The following CCDC85C variants were observed in gnomAD, a reference collection of about 807,000 sequenced individuals.
CCDC85C encodes coiled-coil domain containing 85C, also known as coiled-coil domain-containing protein 85C.
CCDC85C carries 18 observed loss-of-function variants against 38.3 expected under a neutral mutation model. The ratio of observed to expected loss-of-function variants is 0.47; its 90% confidence interval spans 0.33 to 0.70. The LOEUF (loss-of-function observed/expected upper bound fraction) is 0.70, where lower values mean the gene tolerates loss of function less well. Ranked by LOEUF, CCDC85C falls within the 30% of genes least tolerant of loss-of-function variation. The pLI is 0.03. For missense variants in CCDC85C, 566 were observed against 621.2 expected (o/e 0.91, Z 0.94); for synonymous variants, 264 against 293.8 (o/e 0.90, Z 1.04).
chr14:99,550,453 C>T (rs1897886741), intron 1 of CCDC85C, among the ~76,000 whole-genome samples: 1 of 152,186 alleles, frequency 6.6e-6, no homozygotes, highest in Admixed American at 6.5e-5. Flanking sequence ...GATTTTGGCA[C>T]TTCTGACCTC....
chr14:99,535,963 G>A lies in CCDC85C; in HGVS notation c.867+52C>T, dbSNP rs1256349098. On this transcript the variant is annotated intron_variant, in intron 2 of 5. Coordinates refer to ENST00000380243, the MANE Select transcript of CCDC85C (RefSeq NM_001144995.2). This position sits in a 1 kb window ranked among gnomAD's most constrained non-coding sequence, Gnocchi z 5.5. The stretch of plus-strand genomic sequence containing the variant: ...AAGGGTGCCCTGGGTGAGCTGGAGG[G>A]GTGGGTGCTGGGTCGCGGTCCTCAA... The A allele has an allele frequency of 3.7e-6, 5 of 1,357,148 alleles. No homozygotes were observed. Among genetic ancestry groups the A allele is most frequent in the South Asian group, 1.2e-5 (1 of 80,346 alleles). 84.1% of individuals were successfully genotyped at this position (1,357,148 alleles called of 1,614,324 possible).
chr14:99,551,615 A>G (rs529658683), intron 1 of CCDC85C, among the ~76,000 whole-genome samples: 3 of 132,622 alleles, frequency 2.3e-5, no homozygotes, highest in Non-Finnish European at 4.8e-5. Flanking sequence ...CAGGTGGGTG[A>G]GCAGTTGAGT....
At chr14:99,562,753 G>A (rs1898141612) in intron 1 of CCDC85C, among the ~76,000 whole-genome samples, 1 of 100,520 alleles carries the variant, frequency 9.9e-6, no homozygotes, top group South Asian at 3.2e-4. Flanking sequence ...ACACATGCAT[G>A]CACACACGTG....
At chr14:99,515,738 G>T (rs541036692) in intron 5 of CCDC85C, among the ~76,000 whole-genome samples, 2 of 152,092 alleles carry the variant, frequency 1.3e-5, no homozygotes, top group Non-Finnish European at 2.9e-5. Flanking sequence ...GGTCGAGCAC[G>T]GAGCTCTCCT....
intron 2 of CCDC85C, among the ~76,000 whole-genome samples, chr14:99,524,038 G>A (rs1897338918): frequency 1.0e-5 from 1 of 99,306 alleles, no homozygotes; most frequent in South Asian, 3.1e-4. Context: ...CCCCATCAGA[G>A]CCACCCATGC....
chr14:99,603,774 C>G lies in CCDC85C; in HGVS notation c.186G>C (p.Gln62His), dbSNP rs765779139. ...TGAGGCCGCGGATCTCCAGCAGGTG[C>G]TGCTGCAGCCGCCGGTTCACGTCGC... ...LMRDVNRRLQ[Q>H]HLLEIRGLKD... Residue 62 changes from glutamine (Q) to histidine (H), a missense_variant, in exon 1 of 6, where the codon CAG becomes CAC. This residue lies in a region of CCDC85C where 269 missense variants were observed against 308.2 expected (regional missense o/e 0.87). Coordinates refer to ENST00000380243, the MANE Select transcript of CCDC85C (RefSeq NM_001144995.2). The surrounding 1 kb of genome is among the most constrained non-coding windows in gnomAD (Gnocchi z 7.5). The G allele has an allele frequency of 2.0e-6, 3 of 1,526,132 alleles. No individual in the cohort carries two copies. Among genetic ancestry groups the G allele is most frequent in the Non-Finnish European group, 2.6e-6 (3 of 1,142,618 alleles). 94.5% of individuals were successfully genotyped at this position (1,526,132 alleles called of 1,614,324 possible).
chr14:99,517,398 T>C (rs1320528079), intron 3 of CCDC85C, among the ~76,000 whole-genome samples: 2 of 152,024 alleles, frequency 1.3e-5, no homozygotes, highest in Admixed American at 1.3e-4. Context: ...GCAGATGAAA[T>C]GGTCCCTGAT....
At chr14:99,586,862 A>T (rs577731600) in intron 1 of CCDC85C, among the ~76,000 whole-genome samples, 1 of 152,246 alleles carries the variant, frequency 6.6e-6, no homozygotes, top group African/African-American at 2.4e-5. Flanking sequence ...CCCTACCTAT[A>T]GCACACCCCA....
intron 2 of CCDC85C, among the ~76,000 whole-genome samples, chr14:99,531,397 C>A (rs766517029): frequency 6.6e-6 from 1 of 152,088 alleles, no homozygotes; most frequent in African/African-American, 2.4e-5. Context: ...CACAGAGAAT[C>A]CACAGGAAAA....
chr14:99,573,049 T>C (rs1232988632), intron 1 of CCDC85C: 1 of 331,424 alleles, frequency 3.0e-6, no homozygotes, highest in Non-Finnish European at 6.0e-6. Flanking sequence ...AGCCTGGTGC[T>C]AAAAATGAGA....
intron 1 of CCDC85C, among the ~76,000 whole-genome samples, chr14:99,536,311 C>CG (rs1897598755): frequency 6.6e-6 from 1 of 152,188 alleles, no homozygotes; most frequent in African/African-American, 2.4e-5. Flanking sequence ...CACCAAGGCA[C>CG]GACACACAGA....
chr14:99,520,968 G>T lies in CCDC85C; in HGVS notation c.975+1165C>A, dbSNP rs951537312. ...TTGAGGCTCGGCCCATGCCTGAGGT[G>T]TGCTCTCCAGAGGCCTGCAGGGAGA... On this transcript the variant is annotated intron_variant, in intron 3 of 5. Coordinates refer to ENST00000380243, the MANE Select transcript of CCDC85C (RefSeq NM_001144995.2). This position sits in a 1 kb window ranked among gnomAD's most constrained non-coding sequence, Gnocchi z 4.1. Among the ~76,000 whole-genome samples the T allele has an allele frequency of 6.6e-6, 1 of 152,250 alleles. No individual in the cohort carries two copies. The highest frequency in any genetic ancestry group is 1.5e-5 in the Non-Finnish European group (1 of 68,050).
intron 1 of CCDC85C, among the ~76,000 whole-genome samples, chr14:99,556,575 G>A (rs1455230753): frequency 6.6e-6 from 1 of 152,166 alleles, no homozygotes; most frequent in Admixed American, 6.5e-5. Context: ...GAGTGCAGCA[G>A]TGTGATCATG....
At chr14:99,559,652 C>T (rs1378080563) in intron 1 of CCDC85C, among the ~76,000 whole-genome samples, 1 of 152,214 alleles carries the variant, frequency 6.6e-6, no homozygotes, top group South Asian at 2.1e-4. Flanking sequence ...GGAAGGCTGG[C>T]TGTCTCTTCC....
At chr14:99,598,031 AG>A (rs2055161246) in intron 1 of CCDC85C, among the ~76,000 whole-genome samples, 1 of 152,234 alleles carries the variant, frequency 6.6e-6, no homozygotes, top group African/African-American at 2.4e-5. Flanking sequence ...AGATTCACCC[AG>A]GGCTCTCTGA....
intron 2 of CCDC85C, among the ~76,000 whole-genome samples, chr14:99,531,683 G>C (rs1897497685): frequency 7.2e-6 from 1 of 138,264 alleles, no homozygotes; most frequent in East Asian, 2.6e-4. Flanking sequence ...TTCCAGAGAA[G>C]AGCATTCCTC....
rs886293699 is a variant in CCDC85C, at chr14:99,558,179, C to T, written c.794-22091G>A. Among the ~76,000 whole-genome samples, 1 of 152,156 alleles carries T rather than the reference C, an allele frequency of 6.6e-6. No individual in the cohort carries two copies. The highest frequency in any genetic ancestry group is 1.5e-5 in the Non-Finnish European group (1 of 68,038). On this transcript the variant is annotated intron_variant, in intron 1 of 5. Transcript: ENST00000380243. This position sits in a 1 kb window ranked among gnomAD's most constrained non-coding sequence, Gnocchi z 4.2. ...GTGGACTGATGGCAGAGAACTCAGC[C>T]GTGTGAAAGCCACTGGCCTTCATCA...
chr14:99,573,977 G>A (rs972522260), intron 1 of CCDC85C, among the ~76,000 whole-genome samples: 9 of 152,204 alleles, frequency 5.9e-5, no homozygotes, highest in Admixed American at 2.0e-4. Flanking sequence ...CCTGGGATGC[G>A]AAGGGTGGTC....
rs907782785 is a variant in CCDC85C at position 99,533,899 on chromosome 14, G to C, written c.867+2116C>G. On this transcript the variant is annotated intron_variant, in intron 2 of 5. Coordinates refer to ENST00000380243, the MANE Select transcript of CCDC85C (RefSeq NM_001144995.2). The surrounding 1 kb of genome is among the most constrained non-coding windows in gnomAD (Gnocchi z 4.2). Reference sequence around the variant, plus strand: ...AGGGCTGCTCCTCCACAGCCCGCTTGGGCGCAGGTTTTCTGCAAGTCCGTG... The same window carrying C: ...AGGGCTGCTCCTCCACAGCCCGCTTCGGCGCAGGTTTTCTGCAAGTCCGTG... 1.3e-5 allele frequency among the ~76,000 whole-genome samples: 2 copies of C among 152,254 alleles called. No individual in the cohort carries two copies. Among genetic ancestry groups the C allele is most frequent in the Non-Finnish European group, 2.9e-5 (2 of 68,042 alleles).
Sources: allele counts gnomAD v4.1 joint callset (sites outside exome capture counted in the v4.1 genomes callset), GRCh38; gene constraint gnomAD v4.1.1; regional missense constraint gnomAD v4.1.1; non-coding constraint Gnocchi (gnomAD v3.1); transcripts MANE v1.5; gene names NCBI Gene and HGNC (gene_info 2026-07-23, HGNC 2026-07-21).